Variants in CLASP1 observed in about 807,000 individuals in gnomAD.
The protein encoded by CLASP1 is CLIP-associating protein 1.
A neutral mutation model predicts 192.3 loss-of-function variants in CLASP1; 38 were observed. The ratio of observed to expected loss-of-function variants is 0.20; its 90% confidence interval spans 0.15 to 0.26. The LOEUF (loss-of-function observed/expected upper bound fraction) is 0.26, where lower values mean the gene tolerates loss of function less well. Among genes scored for constraint, CLASP1 ranks in the 10% least tolerant of loss-of-function variants. The probability of loss-of-function intolerance (pLI) is 1.00; values close to 1 mark genes in which losing one functional copy is unlikely to be tolerated. For missense variants in CLASP1, 1,433 were observed against 1,932.5 expected (o/e 0.74, Z 4.85); for synonymous variants, 691 against 712.8 (o/e 0.97, Z 0.49).
intron 33 of CLASP1, among the ~76,000 whole-genome samples, chr2:121,380,087 C>G (rs1343616384): frequency 1.3e-5 from 2 of 152,186 alleles, no homozygotes; most frequent in Admixed American, 1.3e-4. Flanking sequence ...TAGGAGGAAA[C>G]AGACCATGCT....
chr2:121,459,135 G>A (rs2149859137), intron 12 of CLASP1, among the ~76,000 whole-genome samples, 160 bp from the exon 13 acceptor site: 1 of 151,204 alleles, frequency 6.6e-6, no homozygotes, highest in Admixed American at 6.7e-5. Flanking sequence ...ATAGTTCTTA[G>A]CCCAAAAGTT....
intron 2 of CLASP1, among the ~76,000 whole-genome samples, chr2:121,532,895 A>G (rs2104851680): frequency 6.6e-6 from 1 of 152,342 alleles, no homozygotes; most frequent in African/African-American, 2.4e-5. Flanking sequence ...TTTAAAAAGA[A>G]CAGCCCATCA....
chr2:121,417,627 T>C (rs879720785), intron 23 of CLASP1, among the ~76,000 whole-genome samples: 6 of 152,244 alleles, frequency 3.9e-5, no homozygotes, highest in African/African-American at 7.2e-5. Context: ...AGGGACCATC[T>C]AGCAGGGCTT....
chr2:121,383,518 G>A (rs2072286113), intron 32 of CLASP1, among the ~76,000 whole-genome samples: 1 of 151,922 alleles, frequency 6.6e-6, no homozygotes, highest in East Asian at 1.9e-4. Flanking sequence ...TGTGGGGTGG[G>A]GTCTCCCTGT....
intron 1 of CLASP1, among the ~76,000 whole-genome samples, chr2:121,621,074 A>C (rs1274338677): frequency 6.6e-6 from 1 of 152,056 alleles, no homozygotes; most frequent in Non-Finnish European, 1.5e-5. Flanking sequence ...TAAAAAATTC[A>C]AAAATTAATT....
At chr2:121,356,199 T>C (rs778918136) in intron 37 of CLASP1, among the ~76,000 whole-genome samples, 27 of 151,918 alleles carry the variant, frequency 1.8e-4, no homozygotes, top group Non-Finnish European at 3.4e-4. Flanking sequence ...GAACTCTTCA[T>C]AGCAGCGTCT....
At chr2:121,483,657 G>T (rs1028948485) in intron 8 of CLASP1, among the ~76,000 whole-genome samples, 3 of 151,608 alleles carry the variant, frequency 2.0e-5, no homozygotes, top group African/African-American at 7.3e-5. Flanking sequence ...TTTTTTTGGT[G>T]CAATGTTCAT....
chr2:121,485,604 C>T (rs2092917856), intron 8 of CLASP1, among the ~76,000 whole-genome samples: 1 of 152,142 alleles, frequency 6.6e-6, no homozygotes, highest in Non-Finnish European at 1.5e-5. Context: ...TGGCTCACGC[C>T]TGTAATCTCA....
intron 7 of CLASP1, among the ~76,000 whole-genome samples, chr2:121,504,411 C>T (rs571246992): frequency 1.8e-4 from 27 of 152,270 alleles, no homozygotes; most frequent in African/African-American, 4.6e-4. Context: ...TCTTCTCAAG[C>T]GAATGGAAGC....
intron 39 of CLASP1, 68 bp from the exon 41 acceptor site, chr2:121,341,015 G>T (rs2062715510): frequency 9.7e-7 from 1 of 1,030,064 alleles, no homozygotes; most frequent in Non-Finnish European, 1.5e-6. Flanking sequence ...ACAGCAAAAA[G>T]AATCCCAGGT....
chr2:121,507,787 A>T (rs1263522935), intron 7 of CLASP1, among the ~76,000 whole-genome samples: 1 of 152,196 alleles, frequency 6.6e-6, no homozygotes, highest in Non-Finnish European at 1.5e-5. Flanking sequence ...GAACCCACTC[A>T]TTGTGCACAA....
chr2:121,418,543 G>A, intron 23 of CLASP1, 79 bp downstream of exon 23: 2 of 960,248 alleles, frequency 2.1e-6, no homozygotes, highest in Non-Finnish European at 1.7e-6. Context: ...AGGAAAAGCA[G>A]GTCATTCCGC....
At chr2:121,348,346 C>T (rs969260491) in intron 38 of CLASP1, among the ~76,000 whole-genome samples, 166 bp downstream of exon 39, 3 of 152,138 alleles carry the variant, frequency 2.0e-5, no homozygotes, top group East Asian at 1.9e-4. Context: ...AGCTGGAAGC[C>T]GACAGAGGAG....
intron 2 of CLASP1, 140 bp from the exon 3 acceptor site, chr2:121,530,465 G>C: frequency 1.6e-6 from 1 of 623,040 alleles, no homozygotes; most frequent in South Asian, 1.9e-5. Context: ...GAGGACCAAA[G>C]AGATTAGCAC....
At chr2:121,364,986 C>G in intron 36 of CLASP1, 108 bp downstream of exon 37, 1 of 1,001,800 alleles carries the variant, frequency 1.0e-6, no homozygotes, top group Non-Finnish European at 1.6e-6. Context: ...TTGATGTAAA[C>G]AGTAAGCACA....
chr2:121,428,941 G>C lies in CLASP1; in HGVS notation c.2017+1132C>G, dbSNP rs181327010. ...AAACAATGGCTCACAAAGGTTAAAA[G>C]ACTCACCCAACATCACACTGGAGCC... On this transcript the variant is annotated intron_variant, in intron 20 of 39. Coordinates refer to ENST00000263710, the Ensembl canonical transcript of CLASP1. Among the ~76,000 whole-genome samples the C allele has an allele frequency of 8.2e-4, 125 of 152,272 alleles. 1 individual carries two copies. The highest frequency in any genetic ancestry group is 2.8e-3 in the African/African-American group (116 of 41,566).
chr2:121,527,803 T>G, exon 5 of CLASP1: 2 of 1,611,672 alleles, frequency 1.2e-6, no homozygotes, highest in African/African-American at 1.3e-5. Context: ...ACTTACGCAT[T>G]GAGTGTTGCT....
intron 8 of CLASP1, among the ~76,000 whole-genome samples, chr2:121,490,895 G>A (rs1306590756): frequency 6.6e-6 from 1 of 152,184 alleles, no homozygotes; most frequent in African/African-American, 2.4e-5. Context: ...TGTGAACCTA[G>A]AATTGGCACC....
chr2:121,517,558 A>G (rs2094333920), intron 6 of CLASP1, among the ~76,000 whole-genome samples: 2 of 152,272 alleles, frequency 1.3e-5, no homozygotes, highest in South Asian at 4.1e-4. Flanking sequence ...TAGGGCCTAT[A>G]AGGATGCAAT....
Sources: allele counts gnomAD v4.1 joint callset (sites outside exome capture counted in the v4.1 genomes callset), GRCh38; gene constraint gnomAD v4.1.1; transcripts MANE v1.5; gene names NCBI Gene and HGNC (gene_info 2026-07-23, HGNC 2026-07-21).